DGKI: variants seen among roughly 807,000 people sequenced by gnomAD.
DGKI encodes DAG kinase iota.
DGKI carries 55 observed loss-of-function variants against 147.5 expected under a neutral mutation model. That is an observed-to-expected ratio of 0.37 (90% CI 0.30 to 0.47). The LOEUF is 0.47. Among genes scored for constraint, DGKI ranks in the 20% least tolerant of loss-of-function variants. The pLI, the probability that DGKI is intolerant of heterozygous loss-of-function variation, is 1.00. For missense variants in DGKI, 1,007 were observed against 1,323.8 expected (o/e 0.76, Z 3.71); for synonymous variants, 469 against 477.1 (o/e 0.98, Z 0.22).
In DGKI at chr7:137,387,769, T is replaced by G. The variant is rs1811219114; in HGVS notation, c.*3451A>C. 6.6e-6 allele frequency: 1 copy of G among 152,124 alleles called. No homozygotes were observed. Among genetic ancestry groups the G allele is most frequent in the Admixed American group, 6.6e-5 (1 of 15,262 alleles). 9.4% of individuals were successfully genotyped at this position (152,124 alleles called of 1,614,324 possible). On this transcript the variant is annotated 3_prime_UTR_variant, in exon 33 of 33. Transcript: ENST00000614521. ...ATTAAAACATTTTATAAAAAGCATG[T>G]GCCATTTTTATAATTTAAAAAAACC...
At chr7:137,644,833 C>A (rs1821769319) in intron 6 of DGKI, among the ~76,000 whole-genome samples, 1 of 152,136 alleles carries the variant, frequency 6.6e-6, no homozygotes, top group African/African-American at 2.4e-5. Flanking sequence ...AAAGCTGTAA[C>A]CCAAATCTGT....
chr7:137,669,492 C>T (rs1822765716), intron 3 of DGKI, among the ~76,000 whole-genome samples: 1 of 152,294 alleles, frequency 6.6e-6, no homozygotes, highest in East Asian at 1.9e-4. Flanking sequence ...ACATGTAAGC[C>T]TTATGCTAAA....
chr7:137,691,932 G>A (rs1759886347), intron 1 of DGKI, among the ~76,000 whole-genome samples: 1 of 150,814 alleles, frequency 6.6e-6, no homozygotes, highest in Non-Finnish European at 1.5e-5. Flanking sequence ...AGCTCCCACT[G>A]GGTAACAGAC....
intron 29 of DGKI, among the ~76,000 whole-genome samples, chr7:137,411,052 G>T (rs1369127329): frequency 6.6e-6 from 1 of 152,192 alleles, no homozygotes; most frequent in African/African-American, 2.4e-5. Context: ...TGCAGCACAG[G>T]TGTCCTTCAG....
chr7:137,830,606 G>C (rs1276568412), intron 1 of DGKI, among the ~76,000 whole-genome samples: 1 of 152,196 alleles, frequency 6.6e-6, no homozygotes, highest in East Asian at 1.9e-4. Flanking sequence ...AAGTGAAGTT[G>C]ATTGAAAACC....
intron 1 of DGKI, among the ~76,000 whole-genome samples, chr7:137,762,154 T>C (rs944181716): frequency 6.6e-6 from 1 of 152,230 alleles, no homozygotes; most frequent in African/African-American, 2.4e-5. Flanking sequence ...TTAATGCCAA[T>C]GTGACCAGTT....
chr7:137,797,157 G>A (rs1282361799), intron 1 of DGKI, among the ~76,000 whole-genome samples: 1 of 152,126 alleles, frequency 6.6e-6, no homozygotes, highest in Non-Finnish European at 1.5e-5. Flanking sequence ...ATATTTAAAA[G>A]GCTGGTAGAA....
chr7:137,570,719 G>A (rs149675706), intron 19 of DGKI, among the ~76,000 whole-genome samples: 3 of 151,872 alleles, frequency 2.0e-5, no homozygotes, highest in Non-Finnish European at 2.9e-5. Flanking sequence ...AGCCTCCCAA[G>A]TAGCTGGAAT....
At chr7:137,647,072 C>A (rs994870228) in intron 5 of DGKI, among the ~76,000 whole-genome samples, 2 of 152,180 alleles carry the variant, frequency 1.3e-5, no homozygotes, top group Non-Finnish European at 2.9e-5. Flanking sequence ...TTTAATAAAA[C>A]AAAGACACAA....
intron 23 of DGKI, among the ~76,000 whole-genome samples, chr7:137,480,575 C>T (rs1172430514): frequency 2.0e-5 from 3 of 150,602 alleles, no homozygotes; most frequent in Non-Finnish European, 4.4e-5. Flanking sequence ...GTAATGTAGA[C>T]TCCGATCTGA....
chr7:137,422,954 A>G (rs936874882), intron 28 of DGKI, among the ~76,000 whole-genome samples: 1 of 152,274 alleles, frequency 6.6e-6, no homozygotes, highest in Non-Finnish European at 1.5e-5. Context: ...ACACTGTAAC[A>G]TTCTTTTCCC....
At chr7:137,648,602 G>T (rs1821914359) in intron 5 of DGKI, among the ~76,000 whole-genome samples, 1 of 152,162 alleles carries the variant, frequency 6.6e-6, no homozygotes, top group South Asian at 2.1e-4. Context: ...TGGACAGAGG[G>T]GTGATTCATA....
intron 28 of DGKI, among the ~76,000 whole-genome samples, chr7:137,417,217 C>G (rs1302974855): frequency 3.9e-5 from 6 of 152,250 alleles, no homozygotes; most frequent in Non-Finnish European, 5.9e-5. Flanking sequence ...TTCAAAGAAG[C>G]AGGGAAAGTC....
intron 1 of DGKI, among the ~76,000 whole-genome samples, chr7:137,833,427 G>T (rs1251285163): frequency 2.0e-5 from 3 of 152,136 alleles, no homozygotes; most frequent in Non-Finnish European, 4.4e-5. Context: ...AAAACCATCA[G>T]ATCTCATGAG....
intron 1 of DGKI, among the ~76,000 whole-genome samples, chr7:137,750,760 T>C (rs1448644760): frequency 6.6e-6 from 1 of 152,154 alleles, no homozygotes; most frequent in Non-Finnish European, 1.5e-5. Context: ...CTCCTACATC[T>C]GTGACCTTGG....
At chr7:137,729,577 T>C (rs1451324594) in intron 1 of DGKI, among the ~76,000 whole-genome samples, 1 of 152,112 alleles carries the variant, frequency 6.6e-6, no homozygotes, top group Admixed American at 6.6e-5. Flanking sequence ...AATTCCTACT[T>C]CTTCACTTCC....
chr7:137,588,610 G>A (rs923092685), intron 12 of DGKI, among the ~76,000 whole-genome samples: 4 of 151,456 alleles, frequency 2.6e-5, no homozygotes, highest in East Asian at 1.9e-4. Context: ...CCAAGTAGCC[G>A]GGACTACAGG....
intron 28 of DGKI, among the ~76,000 whole-genome samples, chr7:137,427,829 C>A (rs1449703684): frequency 6.6e-6 from 1 of 152,212 alleles, no homozygotes; most frequent in Non-Finnish European, 1.5e-5. Context: ...TCGACACATA[C>A]ACCCTCCCAA....
chr7:137,452,533 A>T (rs1814011749), intron 27 of DGKI, among the ~76,000 whole-genome samples: 1 of 152,184 alleles, frequency 6.6e-6, no homozygotes, highest in Admixed American at 6.5e-5. Flanking sequence ...CAGCACACGT[A>T]TGTCCACACA....
Sources: gnomAD v4.1 joint callset for allele counts (sites outside exome capture counted in the v4.1 genomes callset) on GRCh38, gnomAD v4.1.1 for gene constraint, MANE v1.5 for transcripts, NCBI Gene and HGNC (gene_info 2026-07-23, HGNC 2026-07-21) for gene names.